The following ALPK2 variants were observed in gnomAD, a reference collection of about 807,000 sequenced individuals.
The protein encoded by ALPK2 is alpha-protein kinase 2.
In ALPK2, 127 loss-of-function variants were observed where a neutral mutation model predicts 163.1. That is an observed-to-expected ratio of 0.78 (90% CI 0.67 to 0.90). ALPK2 has a LOEUF of 0.90. Ranked by LOEUF, ALPK2 falls within the 40% of genes least tolerant of loss-of-function variation. The probability of loss-of-function intolerance (pLI) is 0.00; values close to 1 mark genes in which losing one functional copy is unlikely to be tolerated. For missense variants in ALPK2, 2,360 were observed against 2,589.6 expected (o/e 0.91, Z 1.92); for synonymous variants, 953 against 959.1 (o/e 0.99, Z 0.12).
intron 10 of ALPK2, among the ~76,000 whole-genome samples, chr18:58,504,620 T>C (rs2051452210): frequency 6.6e-6 from 1 of 152,198 alleles, no homozygotes; most frequent in South Asian, 2.1e-4. Context: ...CCAGATGCTA[T>C]TCCTCAAAAC....
At chr18:58,576,295 A>G (rs1282226551) in intron 4 of ALPK2, among the ~76,000 whole-genome samples, 1 of 152,122 alleles carries the variant, frequency 6.6e-6, no homozygotes, top group African/African-American at 2.4e-5. Context: ...AATCTCTTGA[A>G]TCTGAGAGGC....
In ALPK2 at chr18:58,540,881, C is replaced by G. The variant is rs187441890; in HGVS notation, c.1963-2657G>C. Among the ~76,000 whole-genome samples the G allele has an allele frequency of 1.1e-4, 17 of 152,224 alleles. No homozygotes were observed. In the East Asian group the frequency reaches 3.3e-3, roughly 29 times the overall value. On this transcript the variant is annotated intron_variant, in intron 4 of 12. Coordinates refer to ENST00000361673, the MANE Select transcript of ALPK2 (RefSeq NM_052947.4). ...ACTATGATATTTACTGGGATGGTAC[C>G]TTTATTCTTCCGTGATTGATTACTA...
intron 4 of ALPK2, among the ~76,000 whole-genome samples, chr18:58,557,808 A>G (rs1417370224): frequency 3.3e-5 from 5 of 152,152 alleles, no homozygotes; most frequent in African/African-American, 1.2e-4. Context: ...AAAAAATTAC[A>G]ATAGAGCTGA....
intron 10 of ALPK2, among the ~76,000 whole-genome samples, chr18:58,506,887 G>A (rs2051464758): frequency 1.3e-5 from 2 of 152,128 alleles, no homozygotes; most frequent in Non-Finnish European, 2.9e-5. Context: ...AGTCCTTCCC[G>A]AATCCTGATC....
At chr18:58,551,674 C>T (rs1039051193) in intron 4 of ALPK2, among the ~76,000 whole-genome samples, 17 of 152,282 alleles carry the variant, frequency 1.1e-4, no homozygotes, top group African/African-American at 3.9e-4. Context: ...GGGTGGTGTA[C>T]ACTTGAGAAG....
intron 11 of ALPK2, among the ~76,000 whole-genome samples, chr18:58,502,152 ACACACACACACACACACACACACACAC>A: frequency 7.0e-6 from 1 of 143,686 alleles, no homozygotes; most frequent in South Asian, 2.3e-4. Context: ...ACACACACAC[ACACACACACACACACACACACACACAC>A]AAAGAAAAAA....
intron 2 of ALPK2, among the ~76,000 whole-genome samples, chr18:58,607,717 G>A (rs1005471255): frequency 2.0e-5 from 3 of 152,082 alleles, no homozygotes; most frequent in Non-Finnish European, 4.4e-5. Flanking sequence ...GTGCTATTAA[G>A]AAAAATTTTC....
At chr18:58,529,260 G>T in intron 5 of ALPK2, 22 bp from the exon 6 acceptor site, 1 of 1,601,414 alleles carries the variant, frequency 6.2e-7, no homozygotes, top group Non-Finnish European at 8.5e-7. Context: ...ATATTTGAAG[G>T]TCAGTGTAAC....
intron 3 of ALPK2, among the ~76,000 whole-genome samples, chr18:58,590,446 GC>G (rs1272294455): frequency 6.6e-6 from 1 of 152,112 alleles, no homozygotes; most frequent in Non-Finnish European, 1.5e-5. Context: ...AATGTTTTGA[GC>G]CTTCCCTCCC....
chr18:58,513,339 G>A (rs1462869882), intron 10 of ALPK2, among the ~76,000 whole-genome samples: 1 of 152,060 alleles, frequency 6.6e-6, no homozygotes, highest in Non-Finnish European at 1.5e-5. Context: ...TGGCCCAGAG[G>A]CCCTTCTGAG....
At position 58,598,673 on chromosome 18, in the gene ALPK2, C is replaced by T. The variant is rs12955822; in HGVS notation, c.227+8649G>A. ...ACTCACAGGGCCTGATTAGTTTCAGCTCTGTCCATAACTAGCCATCTCCCC... is the reference window on the plus strand; with the variant it reads ...ACTCACAGGGCCTGATTAGTTTCAGTTCTGTCCATAACTAGCCATCTCCCC... On this transcript the variant is annotated intron_variant, in intron 3 of 12. Coordinates refer to ENST00000361673, the MANE Select transcript of ALPK2 (RefSeq NM_052947.4). 3.8e-3 allele frequency among the ~76,000 whole-genome samples: 586 copies of T among 152,352 alleles called. 3 individuals are homozygous for T. Among genetic ancestry groups the T allele is most frequent in the Non-Finnish European group, 5.9e-3 (398 of 68,032 alleles).
At chr18:58,531,618 C>T (rs1232148972) in intron 5 of ALPK2, among the ~76,000 whole-genome samples, 1 of 135,046 alleles carries the variant, frequency 7.4e-6, no homozygotes, top group African/African-American at 2.7e-5. Flanking sequence ...GGCTAGAAAA[C>T]CGTAACGAAC....
At chr18:58,553,849 G>T (rs28573249) in intron 4 of ALPK2, among the ~76,000 whole-genome samples, 61 of 63,492 alleles carry the variant, frequency 9.6e-4, no homozygotes, top group Non-Finnish European at 1.2e-3. Flanking sequence ...TTTTTTTTTT[G>T]GTTTTTTTTT....
At chr18:58,542,494 A>G (rs537869401) in intron 4 of ALPK2, among the ~76,000 whole-genome samples, 90 of 152,266 alleles carry the variant, frequency 5.9e-4, no homozygotes, top group Non-Finnish European at 1.1e-3. Context: ...TGATGAGATG[A>G]ATAGCCTAGG....
chr18:58,557,669 CGTGTGT>C (rs5825292), intron 4 of ALPK2, among the ~76,000 whole-genome samples: 44,993 of 149,862 alleles, frequency 0.3, 7,490 homozygotes, highest in East Asian at 0.48. Context: ...CATATATATA[CGTGTGT>C]GTGTGTGTGT....
intron 3 of ALPK2, among the ~76,000 whole-genome samples, chr18:58,593,880 AAAAT>A (rs961233039): frequency 6.6e-6 from 1 of 152,096 alleles, no homozygotes; most frequent in Admixed American, 6.5e-5. Context: ...CTCCATCTCA[AAAAT>A]AAATAAATAA....
chr18:58,484,061 C>G (rs1054969974), intron 12 of ALPK2, among the ~76,000 whole-genome samples: 1 of 152,150 alleles, frequency 6.6e-6, no homozygotes. Context: ...TCACTCTTTG[C>G]TCACCACTGT....
chr18:58,511,040 ATTATT>A (rs1461789959), intron 10 of ALPK2, among the ~76,000 whole-genome samples: 1 of 152,134 alleles, frequency 6.6e-6, no homozygotes, highest in African/African-American at 2.4e-5. Context: ...GATAGCTCTT[ATTATT>A]TTGAGATACG....
rs1015802174 is a variant in ALPK2, at chr18:58,536,364, C to T, written c.3823G>A (p.Val1275Ile). Residue 1275 changes from valine (V) to isoleucine (I), a missense_variant, in exon 5 of 13, where the codon GTA (valine) becomes ATA (isoleucine). Physicochemically the swap from Val to Ile is conservative, Grantham distance 29. Transcript: ENST00000361673. ...GLIIPDKVWA[V>I]PDSLKADAVV... is the part of the protein sequence containing the mutation. ...GCATCTGCCTTTAGACTATCAGGTA[C>T]AGCCCAGACCTTGTCAGGAATTATG... The T allele has an allele frequency of 6.2e-7, 1 of 1,614,210 alleles. No individual in the cohort carries two copies. Among genetic ancestry groups the T allele is most frequent in the Non-Finnish European group, 8.5e-7 (1 of 1,180,034 alleles).
Sources: gnomAD v4.1 joint callset for allele counts (sites outside exome capture counted in the v4.1 genomes callset) on GRCh38, gnomAD v4.1.1 for gene constraint, MANE v1.5 for transcripts, NCBI Gene and HGNC (gene_info 2026-07-23, HGNC 2026-07-21) for gene names.